Variants in CD58 observed in about 807,000 individuals in gnomAD.
The protein encoded by CD58 is lymphocyte function-associated antigen 3.
CD58 carries 14 observed loss-of-function variants against 27.6 expected under a neutral mutation model. That is an observed-to-expected ratio of 0.51 (90% CI 0.34 to 0.79). The LOEUF (loss-of-function observed/expected upper bound fraction) is 0.79, where lower values mean the gene tolerates loss of function less well. Among genes scored for constraint, CD58 ranks in the 30% least tolerant of loss-of-function variants. The pLI, the probability that CD58 is intolerant of heterozygous loss-of-function variation, is 0.02. For missense variants in CD58, 268 were observed against 301.7 expected (o/e 0.89, Z 0.83); for synonymous variants, 117 against 103.8 (o/e 1.13, Z -0.77).
At position 116,552,122 on chromosome 1, in the gene CD58, CTTCTT is replaced by C. The variant is rs1658411487; in HGVS notation, c.71-7523_71-7519del. 6.6e-6 allele frequency among the ~76,000 whole-genome samples: 1 copy of C among 152,176 alleles called. No individual in the cohort carries two copies. The highest frequency in any genetic ancestry group is 6.5e-5 in the Admixed American group (1 of 15,270). ...ATTTAAAGTGAGAGACAGTGCAACT[CTTCTT>C]TTCACTTGAGCACTTAGAAGCCATT... On this transcript the variant is annotated intron_variant, in intron 1 of 5. Transcript: ENST00000369489. The surrounding 1 kb of genome is among the most constrained non-coding windows in gnomAD (Gnocchi z 4.5).
intron 3 of CD58, among the ~76,000 whole-genome samples, chr1:116,529,622 C>T (rs1657532589): frequency 2.0e-5 from 3 of 152,174 alleles, no homozygotes; most frequent in South Asian, 4.1e-4. Flanking sequence ...CCTCACTGTG[C>T]CTCAGATTCC....
At position 116,519,203 on chromosome 1, in the gene CD58, C is replaced by T; in HGVS notation, c.743+28G>A. On this transcript the variant is annotated intron_variant, in intron 5 of 5. Coordinates refer to ENST00000369489, the MANE Select transcript of CD58 (RefSeq NM_001779.3). The surrounding 1 kb of genome is among the most constrained non-coding windows in gnomAD (Gnocchi z 4.7). ...CAGCAGGGCTGCTGTTGTTCTGGCACAGAGTGCACAGCCTGCAGTGTACTT... is the reference window on the plus strand; with the variant it reads ...CAGCAGGGCTGCTGTTGTTCTGGCATAGAGTGCACAGCCTGCAGTGTACTT... 6.2e-7 allele frequency: 1 copy of T among 1,612,026 alleles called. No individual in the cohort carries two copies. Among genetic ancestry groups the T allele is most frequent in the Non-Finnish European group, 8.5e-7 (1 of 1,178,950 alleles).
At position 116,532,500 on chromosome 1, in the gene CD58, G is replaced by C. The variant is rs1657646587; in HGVS notation, c.628+3465C>G. On this transcript the variant is annotated intron_variant, in intron 3 of 5. Transcript: ENST00000369489. This position sits in a 1 kb window ranked among gnomAD's most constrained non-coding sequence, Gnocchi z 5.1. ...ATTAAGCAGCTGAAAACAGCGAGTG[G>C]GTTTCTTCAAATGAAAGGAAAGAAT... is the stretch of plus-strand genomic sequence containing the variant. Among the ~76,000 whole-genome samples, 1 of 152,204 alleles carries C rather than the reference G, an allele frequency of 6.6e-6. No individual in the cohort carries two copies. The highest frequency in any genetic ancestry group is 1.5e-5 in the Non-Finnish European group (1 of 68,044).
At position 116,541,865 on chromosome 1, in the gene CD58, T is replaced by C. The variant is rs1657998703; in HGVS notation, c.364+2446A>G. On this transcript the variant is annotated intron_variant, in intron 2 of 5. Transcript: ENST00000369489. This position sits in a 1 kb window ranked among gnomAD's most constrained non-coding sequence, Gnocchi z 5.3. The stretch of plus-strand genomic sequence containing the variant: ...ATGGGATGAGCTCACCCACTGGCTA[T>C]GAACGCAGACAGAAAAGGAAAGAGA... 6.6e-6 allele frequency among the ~76,000 whole-genome samples: 1 copy of C among 152,328 alleles called. No individual in the cohort carries two copies. Among genetic ancestry groups the C allele is most frequent in the East Asian group, 1.9e-4 (1 of 5,184 alleles).
Position 116,570,582 on chromosome 1 carries a change from C to T in CD58, c.70+321G>A, listed in dbSNP as rs1475509341. Among the ~76,000 whole-genome samples the T allele has an allele frequency of 6.6e-6, 1 of 152,100 alleles. No individual in the cohort carries two copies. Among genetic ancestry groups the T allele is most frequent in the African/African-American group, 2.4e-5 (1 of 41,454 alleles). On this transcript the variant is annotated intron_variant, in intron 1 of 5. Transcript: ENST00000369489. This position sits in a 1 kb window ranked among gnomAD's most constrained non-coding sequence, Gnocchi z 6.4. ...GCGCTCAGCGACGTTACTGGGGAAGCCCAGGAAGGAACTTGGTCACTGGAG... is the reference window on the plus strand; with the variant it reads ...GCGCTCAGCGACGTTACTGGGGAAGTCCAGGAAGGAACTTGGTCACTGGAG...
rs1010261650 is a variant in CD58 at position 116,550,854 on chromosome 1, T to C, written c.71-6250A>G. On this transcript the variant is annotated intron_variant, in intron 1 of 5. Coordinates refer to ENST00000369489, the MANE Select transcript of CD58 (RefSeq NM_001779.3). This position sits in a 1 kb window ranked among gnomAD's most constrained non-coding sequence, Gnocchi z 4.2. ...TGATCCATGGGCTGCAGAATGGATG[T>C]TGTATTAGCAAGCATGAAAACAACA... 6.6e-6 allele frequency among the ~76,000 whole-genome samples: 1 copy of C among 152,200 alleles called. No homozygotes were observed. The highest frequency in any genetic ancestry group is 1.5e-5 in the Non-Finnish European group (1 of 68,032).
rs1040147867 is a variant in CD58 at position 116,533,779 on chromosome 1, T to A, written c.628+2186A>T. 20 of 724,884 alleles carry A rather than the reference T, an allele frequency of 2.8e-5. No homozygotes were observed. In the African/African-American group the frequency reaches 3.1e-4, roughly 11 times the overall value. 44.9% of individuals were successfully genotyped at this position (724,884 alleles called of 1,614,324 possible). On this transcript the variant is annotated intron_variant, in intron 3 of 5. Coordinates refer to ENST00000369489, the MANE Select transcript of CD58 (RefSeq NM_001779.3). ...ATCACCGGTGATAAATTCTCTTCTC[T>A]CGTCAAAGAGAGGCTGGTATAATGC...
At position 116,523,318 on chromosome 1, in the gene CD58, T is replaced by C. The variant is rs1657326815; in HGVS notation, c.629-1335A>G. Among the ~76,000 whole-genome samples, 1 of 152,032 alleles carries C rather than the reference T, an allele frequency of 6.6e-6. No individual in the cohort carries two copies. Among genetic ancestry groups the C allele is most frequent in the Non-Finnish European group, 1.5e-5 (1 of 68,014 alleles). ...TCCAAAATCAGAGTACACAATGCAC[T>C]GCTAAAGGATTGGGGAGGGGTCACT... On this transcript the variant is annotated intron_variant, in intron 3 of 5. Transcript: ENST00000369489. The surrounding 1 kb of genome is among the most constrained non-coding windows in gnomAD (Gnocchi z 4.4).
chr1:116,545,998 G>A (rs561284514), intron 1 of CD58, among the ~76,000 whole-genome samples: 7 of 152,202 alleles, frequency 4.6e-5, no homozygotes, highest in Admixed American at 1.3e-4. Context: ...GTAAAATGGC[G>A]AAACCCCATC....
At chr1:116,567,102 T>C (rs908525811) in intron 1 of CD58, among the ~76,000 whole-genome samples, 1 of 150,306 alleles carries the variant, frequency 6.7e-6, no homozygotes, top group African/African-American at 2.5e-5. Context: ...ATTGTGTCAC[T>C]ATACTCTAGC....
chr1:116,535,458 A>G (rs1207476970), intron 3 of CD58, among the ~76,000 whole-genome samples: 4 of 152,232 alleles, frequency 2.6e-5, no homozygotes, highest in African/African-American at 9.6e-5. Context: ...TGAAGATTGA[A>G]TTAATTAACA....
chr1:116,540,996 A>T (rs1292671680), intron 2 of CD58, among the ~76,000 whole-genome samples: 12 of 152,094 alleles, frequency 7.9e-5, no homozygotes, highest in Non-Finnish European at 1.2e-4. Flanking sequence ...TTTTGTAGAG[A>T]TGGAGTCTTG....
At chr1:116,569,983 A>G (rs994273464) in intron 1 of CD58, among the ~76,000 whole-genome samples, 2 of 152,194 alleles carry the variant, frequency 1.3e-5, no homozygotes, top group Admixed American at 6.5e-5. Flanking sequence ...GCTGTCTTCC[A>G]TAGATGCACA....
Position 116,536,115 on chromosome 1 carries a change from C to T in CD58, c.478G>A (p.Asp160Asn). The change falls in exon 3 of 6, where the codon GAT (aspartate) becomes AAT (asparagine). Residue 160 changes from aspartate to asparagine, a missense_variant. Coordinates refer to ENST00000369489, the MANE Select transcript of CD58 (RefSeq NM_001779.3). This position sits in a 1 kb window ranked among gnomAD's most constrained non-coding sequence, Gnocchi z 5.4. ...CGTTTACATTGCTCCATAGGACAAT[C>T]CCATGAGTACATTATAAGTCCTCGA... The part of the protein sequence containing the change: ...SHRGLIMYSW[D>N]CPMEQCKRNS... 1 of 1,613,750 alleles carries T rather than the reference C, an allele frequency of 6.2e-7. No individual in the cohort carries two copies. Among genetic ancestry groups the T allele is most frequent in the Non-Finnish European group, 8.5e-7 (1 of 1,179,772 alleles).
intron 1 of CD58, among the ~76,000 whole-genome samples, chr1:116,567,488 A>AG (rs1214413831): frequency 6.6e-6 from 1 of 152,052 alleles, no homozygotes; most frequent in Non-Finnish European, 1.5e-5. Flanking sequence ...CTAAAAAAAA[A>AG]TTAGCCAAGC....
At chr1:116,565,998 T>C (rs1285904405) in intron 1 of CD58, among the ~76,000 whole-genome samples, 1 of 152,216 alleles carries the variant, frequency 6.6e-6, no homozygotes, top group Non-Finnish European at 1.5e-5. Context: ...ATTACAGTCA[T>C]GAGTCACTGC....
At chr1:116,565,889 T>C (rs965550609) in intron 1 of CD58, among the ~76,000 whole-genome samples, 1 of 152,060 alleles carries the variant, frequency 6.6e-6, no homozygotes, top group African/African-American at 2.4e-5. Context: ...CCCAGCTAAT[T>C]TTTTGTTTTA....
chr1:116,536,138 C>G lies in CD58; in HGVS notation c.455G>C (p.Arg152Pro). 6.2e-7 allele frequency: 1 copy of G among 1,613,494 alleles called. No homozygotes were observed. Among genetic ancestry groups the G allele is most frequent in the Non-Finnish European group, 8.5e-7 (1 of 1,179,528 alleles). Reference protein sequence around the residue: ...CMIPEHYNSHRGLIMYSWDCP... With the variant: ...CMIPEHYNSHPGLIMYSWDCP... ...ATCCCATGAGTACATTATAAGTCCTCGATGGCTGTTGTAATGCTCTGGTAT... is the reference window on the plus strand; with the variant it reads ...ATCCCATGAGTACATTATAAGTCCTGGATGGCTGTTGTAATGCTCTGGTAT... Residue 152 changes from arginine to proline, a missense_variant, in exon 3 of 6, where the codon CGA becomes CCA. Physicochemically the swap from Arg to Pro is moderately radical, Grantham distance 103. Coordinates refer to ENST00000369489, the MANE Select transcript of CD58 (RefSeq NM_001779.3). This position sits in a 1 kb window ranked among gnomAD's most constrained non-coding sequence, Gnocchi z 5.4.
Position 116,521,806 on chromosome 1 carries a change from G to C in CD58, c.706+100C>G, listed in dbSNP as rs1423614288. On this transcript the variant is annotated intron_variant, in intron 4 of 5. Transcript: ENST00000369489. This position sits in a 1 kb window ranked among gnomAD's most constrained non-coding sequence, Gnocchi z 5.6. ...AAAAAGTTTTTGTTTCTTTTCAAAT[G>C]TCTAAAATTTCAAACTTTATTTTCA... is the stretch of plus-strand genomic sequence containing the variant. 2.5e-6 allele frequency: 2 copies of C among 791,340 alleles called. No homozygotes were observed. Among genetic ancestry groups the C allele is most frequent in the African/African-American group, 3.5e-5 (2 of 56,792 alleles). The allele number at this position is 791,340 out of a possible 1,614,324, so 49.0% of individuals were successfully genotyped here. A position where few individuals can be genotyped will look rare whatever the true frequency, so the allele number is the denominator to read the frequency against.
Sources: allele counts gnomAD v4.1 joint callset (sites outside exome capture counted in the v4.1 genomes callset), GRCh38; gene constraint gnomAD v4.1.1; non-coding constraint Gnocchi (gnomAD v3.1); transcripts MANE v1.5; gene names NCBI Gene and HGNC (gene_info 2026-07-23, HGNC 2026-07-21).